Variants in ZFHX3 observed in about 807,000 individuals in gnomAD.
ZFHX3 encodes zinc finger homeobox 3, also known as zinc finger homeobox protein 3.
In ZFHX3, 42 loss-of-function variants were observed where a neutral mutation model predicts 279.1. The ratio of observed to expected loss-of-function variants is 0.15; its 90% CI spans 0.12 to 0.19. The LOEUF (loss-of-function observed/expected upper bound fraction) is 0.19. Among genes scored for constraint, ZFHX3 ranks in the 10% least tolerant of loss-of-function variants. The pLI, the probability that ZFHX3 is intolerant of heterozygous loss-of-function variation, is 1.00. For missense variants in ZFHX3, 4,981 were observed against 4,754.0 expected, an observed-to-expected ratio of 1.05 and a Z score of -1.40; for synonymous variants, 2,293 against 1,957.8, an observed-to-expected ratio of 1.17 and a Z score of -4.52.
intron 1 of ZFHX3, among the ~76,000 whole-genome samples, chr16:72,988,381 G>A (rs571688328): frequency 1.3e-4 from 20 of 152,226 alleles, no homozygotes; most frequent in Admixed American, 9.8e-4. Context: ...GCTGGTACAC[G>A]GACCCAAGAT....
intron 4 of ZFHX3, among the ~76,000 whole-genome samples, chr16:73,297,438 T>C (rs1010644342): frequency 1.3e-5 from 2 of 152,048 alleles, no homozygotes; most frequent in Non-Finnish European, 2.9e-5. Flanking sequence ...ATGGACACAG[T>C]AGGAGCCCTA....
chr16:73,073,575 T>G (rs1647296305), intron 8 of ZFHX3, among the ~76,000 whole-genome samples: 1 of 152,238 alleles, frequency 6.6e-6, no homozygotes, highest in African/African-American at 2.4e-5. Flanking sequence ...CTCAGCTCAC[T>G]GCAACCTCCA....
At chr16:73,829,162 C>T (rs1159681369) in intron 1 of ZFHX3, among the ~76,000 whole-genome samples, 2 of 88,486 alleles carry the variant, frequency 2.3e-5, no homozygotes, top group Non-Finnish European at 3.7e-5. Flanking sequence ...ATTTCAGCTT[C>T]CATTGCTGAT....
chr16:73,856,120 G>T (rs1340081619), intron 1 of ZFHX3, among the ~76,000 whole-genome samples: 1 of 152,116 alleles, frequency 6.6e-6, no homozygotes, highest in African/African-American at 2.4e-5. Context: ...TGTACATTTT[G>T]ATCTTAATTT....
intron 2 of ZFHX3, among the ~76,000 whole-genome samples, chr16:73,473,365 A>AAAAAAAAAAAAAAAAAAAAC (rs2018708335): frequency 1.5e-5 from 2 of 130,182 alleles, no homozygotes; most frequent in African/African-American, 6.1e-5. Context: ...AAACAAAAAA[A>AAAAAAAAAAAAAAAAAAAAC]AAAAAAACAA....
intron 3 of ZFHX3, among the ~76,000 whole-genome samples, chr16:72,914,394 C>G (rs1382349435): frequency 3.3e-5 from 5 of 152,212 alleles, no homozygotes; most frequent in African/African-American, 4.8e-5. Context: ...TTACTCCCAT[C>G]TCAGCCCCTA....
intron 1 of ZFHX3, among the ~76,000 whole-genome samples, chr16:73,752,565 CT>C (rs2053770834): frequency 6.6e-6 from 1 of 152,284 alleles, no homozygotes; most frequent in South Asian, 2.1e-4. Flanking sequence ...CATGTTTCAT[CT>C]TTTGGCAGCT....
intron 3 of ZFHX3, chr16:73,389,335 G>T (rs1233580321): frequency 6.6e-6 from 1 of 152,234 alleles, no homozygotes; most frequent in African/African-American, 2.4e-5. Flanking sequence ...AGACCATGTG[G>T]TCTGAAATAT....
At chr16:73,105,209 C>G (rs1217446066) in intron 7 of ZFHX3, among the ~76,000 whole-genome samples, 2 of 150,304 alleles carry the variant, frequency 1.3e-5, no homozygotes, top group East Asian at 2.0e-4. Flanking sequence ...AGCTCAAGAC[C>G]AGCCTGGGCA....
chr16:72,796,361 C>T lies in ZFHX3; in HGVS notation c.6321G>A (p.Leu2107=), dbSNP rs760535739. Reference sequence around the variant, plus strand: ...GGGGTAGCTGAGCCGGCAAGGTCTGCAGCGGCATCGTCTGCATCATCAGCG... The same window carrying T: ...GGGGTAGCTGAGCCGGCAAGGTCTGTAGCGGCATCGTCTGCATCATCAGCG... ...FSPLMMQTMP[L]QTLPAQLPPQ... Residue 2107 remains leucine (L), a synonymous_variant, in exon 9 of 10, where the codon CTG becomes CTA. Coordinates refer to ENST00000268489, the MANE Select transcript of ZFHX3 (RefSeq NM_006885.4). The T allele has an allele frequency of 2.9e-5, 47 of 1,613,728 alleles. No homozygotes were observed. Among genetic ancestry groups the T allele is most frequent in the Non-Finnish European group, 3.9e-5 (46 of 1,179,994 alleles).
chr16:73,252,463 G>T (rs886712766), intron 5 of ZFHX3, among the ~76,000 whole-genome samples: 1 of 152,182 alleles, frequency 6.6e-6, no homozygotes, highest in African/African-American at 2.4e-5. Flanking sequence ...CTAACAGGCC[G>T]TGGGGGTCTC....
intron 8 of ZFHX3, among the ~76,000 whole-genome samples, chr16:73,067,031 G>GA (rs1965764005): frequency 6.6e-6 from 1 of 152,010 alleles, no homozygotes; most frequent in Non-Finnish European, 1.5e-5. Context: ...TGCAAGAGCT[G>GA]GGAGTGGAGA....
intron 3 of ZFHX3, among the ~76,000 whole-genome samples, chr16:73,369,321 C>T (rs2016581610): frequency 1.3e-5 from 2 of 152,158 alleles, no homozygotes; most frequent in Admixed American, 1.3e-4. Context: ...AATGTGGTGT[C>T]CTTGTCAAAA....
Position 72,788,788 on chromosome 16 carries a change from C to T in ZFHX3, c.9488G>A (p.Gly3163Asp), listed in dbSNP as rs745902190. Reference protein sequence around the residue: ...GLPSTTVPSPGLPTSGLPNKP... With the variant: ...GLPSTTVPSPDLPTSGLPNKP... Reference sequence around the variant, plus strand: ...ATTTGGTAATCCAGAAGTGGGGAGGCCAGGGGAAGGAACAGTTGTGCTGGG... The same window carrying T: ...ATTTGGTAATCCAGAAGTGGGGAGGTCAGGGGAAGGAACAGTTGTGCTGGG... The change falls in exon 10 of 10, where the codon GGC becomes GAC. Residue 3163 changes from glycine to aspartate, a missense_variant. By Grantham distance (94) the Gly-to-Asp change is moderately conservative (BLOSUM62 -1). Around this residue, in one of 7 missense-constraint regions of ZFHX3, gnomAD observed 1,034 missense variants for 786.0 expected, o/e 1.32. Coordinates refer to ENST00000268489, the MANE Select transcript of ZFHX3 (RefSeq NM_006885.4). 6.5e-7 allele frequency: 1 copy of T among 1,547,396 alleles called. No homozygotes were observed. Among genetic ancestry groups the T allele is most frequent in the Non-Finnish European group, 8.7e-7 (1 of 1,149,686 alleles).
intron 1 of ZFHX3, among the ~76,000 whole-genome samples, chr16:73,889,695 T>C (rs563009675): frequency 2.6e-5 from 4 of 152,238 alleles, no homozygotes; most frequent in East Asian, 3.9e-4. Flanking sequence ...CCCCAGTGTA[T>C]GGGTTAATTC....
chr16:73,687,321 G>A (rs928363727), intron 1 of ZFHX3, among the ~76,000 whole-genome samples: 11 of 151,262 alleles, frequency 7.3e-5, no homozygotes, highest in Admixed American at 5.3e-4. Context: ...GAGCTTGGGA[G>A]GTGGAGGCTG....
At chr16:73,134,091 G>A (rs1875609115) in intron 6 of ZFHX3, among the ~76,000 whole-genome samples, 1 of 152,144 alleles carries the variant, frequency 6.6e-6, no homozygotes, top group African/African-American at 2.4e-5. Context: ...TGAGGTAGGT[G>A]TGCTTAAAAG....
rs767597004 is a variant in ZFHX3, at chr16:72,795,055, C to T, written c.7627G>A (p.Glu2543Lys). 5 of 1,613,978 alleles carry T rather than the reference C, an allele frequency of 3.1e-6. No individual in the cohort carries two copies. Among genetic ancestry groups the T allele is most frequent in the African/African-American group, 2.7e-5 (2 of 74,878 alleles). The change falls in exon 9 of 10, where the codon GAG becomes AAG. Residue 2543 changes from glutamate (E) to lysine (K), a missense_variant. Coordinates refer to ENST00000268489, the MANE Select transcript of ZFHX3 (RefSeq NM_006885.4). ...AGCTGCTGATGCTCCTGCCAGTGCTCAAATGACGGAAATGCCAACTTACAC... is the reference window on the plus strand; with the variant it reads ...AGCTGCTGATGCTCCTGCCAGTGCTTAAATGACGGAAATGCCAACTTACAC... ...DQCKLAFPSFEHWQEHQQLHF... is the reference protein window; with the variant it reads ...DQCKLAFPSFKHWQEHQQLHF...
chr16:73,268,646 C>T (rs961831281), intron 4 of ZFHX3, among the ~76,000 whole-genome samples: 5 of 152,180 alleles, frequency 3.3e-5, no homozygotes, highest in African/African-American at 1.2e-4. Context: ...GTCGCAACTC[C>T]GCCAAGAATT....
Sources: gnomAD v4.1 joint callset for allele counts (sites outside exome capture counted in the v4.1 genomes callset) on GRCh38, gnomAD v4.1.1 for gene constraint, gnomAD v4.1.1 regional missense constraint, MANE v1.5 for transcripts, NCBI Gene and HGNC (gene_info 2026-07-23, HGNC 2026-07-21) for gene names.